The following FABP2 variants were observed in gnomAD, a reference collection of about 807,000 sequenced individuals.
FABP2 encodes fatty acid binding protein 2.
Under a neutral mutation model 16.1 loss-of-function variants are expected in FABP2, and 11 were observed. The ratio of observed to expected loss-of-function variants is 0.68; its 90% confidence interval spans 0.43 to 1.13. The LOEUF (loss-of-function observed/expected upper bound fraction) is 1.13. Among genes scored for constraint, FABP2 ranks in the 50% most tolerant of loss-of-function variants. The pLI is 0.00. For missense variants in FABP2, 146 were observed against 155.1 expected, an observed-to-expected ratio of 0.94 and a Z score of 0.31; for synonymous variants, 45 against 50.9, an observed-to-expected ratio of 0.88 and a Z score of 0.49.
At position 119,318,453 on chromosome 4, in the gene FABP2, A is replaced by G. The variant is rs1031241581; in HGVS notation, c.*588T>C. On this transcript the variant is annotated 3_prime_UTR_variant, in exon 4 of 4. Transcript: ENST00000274024. ...TTATCAAATGTAAAGAAAAAAAACA[A>G]CTTGAGAGGCTGAGGCAGGAGGATT... 6.6e-5 allele frequency: 10 copies of G among 152,074 alleles called. No homozygotes were observed. The highest frequency in any genetic ancestry group is 2.4e-4 in the African/African-American group (10 of 41,404). 9.4% of individuals were successfully genotyped at this position (152,074 alleles called of 1,614,324 possible).
At position 119,319,043 on chromosome 4, in the gene FABP2, A is replaced by AATCCTTTTTAAAG. The variant is rs758317824; in HGVS notation, c.384_396dup (p.Ter133LeufsTer2). The AATCCTTTTTAAAG allele has an allele frequency of 6.2e-7, 1 of 1,601,514 alleles. No individual in the cohort carries two copies. On this transcript the variant is annotated stop_gained and frameshift_variant, in exon 4 of 4. Transcript: ENST00000274024. LOFTEE classifies it high-confidence loss of function. ...GGACTGTGCGCCAAGAATAATGCTCAATCCTTTTTAAAGATCCTTTTGGCT... is the reference window on the plus strand; with the variant it reads ...GGACTGTGCGCCAAGAATAATGCTCAATCCTTTTTAAAGATCCTTTTTAAAGATCCTTTTGGCT...
intron 2 of FABP2, among the ~76,000 whole-genome samples, chr4:119,320,433 A>G (rs948782946): frequency 6.6e-6 from 1 of 152,100 alleles, no homozygotes; most frequent in Non-Finnish European, 1.5e-5. Context: ...TTCAAAAGAT[A>G]GTTTTCTAAT....
In FABP2 at chr4:119,318,909, G is replaced by A; in HGVS notation, c.*132C>T. On this transcript the variant is annotated 3_prime_UTR_variant, in exon 4 of 4. Transcript: ENST00000274024. ...TACTTCTTTTGCTTTGGCATGAATG[G>A]AAATATACCAATGTTTATAAAAGGA... 6 of 645,112 alleles carry A rather than the reference G, an allele frequency of 9.3e-6. No homozygotes were observed. Among genetic ancestry groups the A allele is most frequent in the Non-Finnish European group, 1.1e-5 (4 of 376,106 alleles). The allele number at this position is 645,112 out of a possible 1,614,324, so 40.0% of individuals were successfully genotyped here.
chr4:119,319,172 C>T, intron 3 of FABP2, 81 bp from the exon 4 acceptor site: 1 of 727,028 alleles, frequency 1.4e-6, no homozygotes, highest in Admixed American at 3.0e-5. Context: ...TAGTTTTATA[C>T]TATATGAGTT....
In FABP2 at chr4:119,322,130, G is replaced by C. The variant is rs758828734; in HGVS notation, c.-28C>G. 4 of 1,585,140 alleles carry C rather than the reference G, an allele frequency of 2.5e-6. No individual in the cohort carries two copies. Among genetic ancestry groups the C allele is most frequent in the Middle Eastern group, 3.3e-4 (2 of 5,998 alleles). ...TTTCAGTTGAGTCAGCCTCTAGGCA[G>C]CTAGAGATTCAGGTCTGTCCTTGGG... On this transcript the variant is annotated 5_prime_UTR_variant, in exon 1 of 4. Coordinates refer to ENST00000274024, the MANE Select transcript of FABP2 (RefSeq NM_000134.4).
chr4:119,319,192 TTTATA>T (rs1755624973), intron 3 of FABP2, 101 bp from the exon 4 acceptor site: 2 of 491,880 alleles, frequency 4.1e-6, no homozygotes, highest in South Asian at 6.0e-5. Context: ...TTATACTATT[TTTATA>T]TTATATATTC....
intron 2 of FABP2, among the ~76,000 whole-genome samples, chr4:119,320,267 A>T (rs543758435): frequency 1.3e-5 from 2 of 152,152 alleles, no homozygotes; most frequent in East Asian, 3.9e-4. Flanking sequence ...CCATTTGGTA[A>T]CTCACTCATT....
rs777233426 is a variant in FABP2 at position 119,319,597 on chromosome 4, C to G, written c.287G>C (p.Arg96Pro). The stretch of plus-strand genomic sequence containing the variant: ...ATTCAGTTCGTTTCCATTGTCTGTC[C>G]GTTTGAATTTTCCAATAAGTTTATT... ...EGNKLIGKFK[R>P]TDNGNELNTV... The change falls in exon 3 of 4, where the codon CGG (arginine) becomes CCG (proline). Residue 96 changes from arginine (R) to proline (P), a missense_variant. By Grantham distance (103) the Arg-to-Pro change is moderately radical. Coordinates refer to ENST00000274024, the MANE Select transcript of FABP2 (RefSeq NM_000134.4). 2 of 1,533,624 alleles carry G rather than the reference C, an allele frequency of 1.3e-6. No individual in the cohort carries two copies. The highest frequency in any genetic ancestry group is 1.4e-5 in the African/African-American group (1 of 70,442).
chr4:119,321,788 C>T (rs1451601277), intron 1 of FABP2, among the ~76,000 whole-genome samples: 1 of 152,114 alleles, frequency 6.6e-6, no homozygotes, highest in Non-Finnish European at 1.5e-5. Flanking sequence ...GGAAACATTT[C>T]TGGATCTTTT....
At chr4:119,321,771 G>C (rs188922871) in intron 1 of FABP2, among the ~76,000 whole-genome samples, 1 of 152,230 alleles carries the variant, frequency 6.6e-6, no homozygotes, top group East Asian at 1.9e-4. Flanking sequence ...TTCAGTTAAA[G>C]AGGGAAGGAA....
chr4:119,320,950 G>A (rs1466531059), intron 1 of FABP2, 108 bp from the exon 2 acceptor site: 1 of 857,346 alleles, frequency 1.2e-6, no homozygotes, highest in Non-Finnish European at 1.7e-6. Context: ...AGAAAACTCG[G>A]TAGCATTGCC....
chr4:119,319,585 C>G lies in FABP2; in HGVS notation c.299G>C (p.Gly100Ala). The change falls in exon 3 of 4, where the codon GGA (glycine) becomes GCA (alanine). Residue 100 changes from glycine (G) to alanine (A), a missense_variant. Coordinates refer to ENST00000274024, the MANE Select transcript of FABP2 (RefSeq NM_000134.4). ...LIGKFKRTDNGNELNTVREII... is the reference protein window; with the variant it reads ...LIGKFKRTDNANELNTVREII... The stretch of plus-strand genomic sequence containing the variant: ...TTCTCGGACAGTATTCAGTTCGTTT[C>G]CATTGTCTGTCCGTTTGAATTTTCC... The G allele has an allele frequency of 1.3e-6, 2 of 1,548,536 alleles. No homozygotes were observed. The highest frequency in any genetic ancestry group is 1.7e-6 in the Non-Finnish European group (2 of 1,147,742).
In FABP2 at chr4:119,318,189, G is replaced by A. The variant is rs1755610091; in HGVS notation, c.*852C>T. On this transcript the variant is annotated 3_prime_UTR_variant, in exon 4 of 4. Transcript: ENST00000274024. ...TCCTATTCAAAGTGGTATGTATTGG[G>A]AAATATCTGCCCCCAGGGAAGAGAG... 6.6e-6 allele frequency: 1 copy of A among 151,974 alleles called. No individual in the cohort carries two copies. Among genetic ancestry groups the A allele is most frequent in the Non-Finnish European group, 1.5e-5 (1 of 67,966 alleles). 9.4% of individuals were successfully genotyped at this position (151,974 alleles called of 1,614,324 possible).
chr4:119,318,880 C>A lies in FABP2; in HGVS notation c.*161G>T. The A allele has an allele frequency of 2.0e-6, 1 of 496,638 alleles. No homozygotes were observed. The highest frequency in any genetic ancestry group is 3.6e-6 in the Non-Finnish European group (1 of 274,026). The allele number at this position is 496,638 out of a possible 1,614,324, so 30.8% of individuals were successfully genotyped here. Reference sequence around the variant, plus strand: ...ATAAAACAAATTAAATCCTAATTAGCTTTTACTTCTTTTGCTTTGGCATGA... The same window carrying A: ...ATAAAACAAATTAAATCCTAATTAGATTTTACTTCTTTTGCTTTGGCATGA... On this transcript the variant is annotated 3_prime_UTR_variant, in exon 4 of 4. Coordinates refer to ENST00000274024, the MANE Select transcript of FABP2 (RefSeq NM_000134.4).
intron 2 of FABP2, among the ~76,000 whole-genome samples, 161 bp from the exon 3 acceptor site, chr4:119,319,804 A>C (rs1447777814): frequency 1.3e-5 from 2 of 151,858 alleles, no homozygotes; most frequent in Non-Finnish European, 2.9e-5. Context: ...AGAAGAGGAG[A>C]CTGTAAAATG....
chr4:119,321,798 T>C (rs1255684217), intron 1 of FABP2, among the ~76,000 whole-genome samples: 1 of 152,172 alleles, frequency 6.6e-6, no homozygotes, highest in East Asian at 1.9e-4. Flanking sequence ...CTGGATCTTT[T>C]TGGTGTGTTT....
intron 2 of FABP2, 22 bp downstream of exon 2, chr4:119,320,648 T>G (rs779976025): frequency 2.1e-5 from 32 of 1,542,466 alleles, no homozygotes; most frequent in Non-Finnish European, 2.5e-5. Flanking sequence ...AATGCATTGC[T>G]CATAAAAAAA....
rs1206686701 is a variant in FABP2, at chr4:119,317,486, T to C, written c.*1555A>G. On this transcript the variant is annotated 3_prime_UTR_variant, in exon 4 of 4. Coordinates refer to ENST00000274024, the MANE Select transcript of FABP2 (RefSeq NM_000134.4). ...GTATACATTATTTAGCTCCCACTTA[T>C]AAGTGAGAACACGCAGTATTCAGCT... The C allele has an allele frequency of 2.6e-5, 4 of 152,122 alleles. No individual in the cohort carries two copies. Among genetic ancestry groups the C allele is most frequent in the Non-Finnish European group, 5.9e-5 (4 of 67,980 alleles). 9.4% of individuals were successfully genotyped at this position (152,122 alleles called of 1,614,324 possible).
At position 119,317,563 on chromosome 4, in the gene FABP2, T is replaced by C. The variant is rs1755600124; in HGVS notation, c.*1478A>G. 1 of 152,114 alleles carries C rather than the reference T, an allele frequency of 6.6e-6. No homozygotes were observed. Among genetic ancestry groups the C allele is most frequent in the African/African-American group, 2.4e-5 (1 of 41,452 alleles). 9.4% of individuals were successfully genotyped at this position (152,114 alleles called of 1,614,324 possible). On this transcript the variant is annotated 3_prime_UTR_variant, in exon 4 of 4. Coordinates refer to ENST00000274024, the MANE Select transcript of FABP2 (RefSeq NM_000134.4). ...TTTTCATCAGGTACTCAAACATTTT[T>C]CTTCCTACATTTTAATATATATGTC...
Sources: gnomAD v4.1 joint callset for allele counts (sites outside exome capture counted in the v4.1 genomes callset) on GRCh38, gnomAD v4.1.1 for gene constraint, MANE v1.5 for transcripts, NCBI Gene and HGNC (gene_info 2026-07-23, HGNC 2026-07-21) for gene names.